RCOR1: variants seen among roughly 807,000 people sequenced by gnomAD.
RCOR1 encodes the protein REST corepressor 1.
Under a neutral mutation model 64.0 loss-of-function variants are expected in RCOR1, and 12 were observed. The observed-to-expected ratio is 0.19, with a 90% CI of 0.12 to 0.30. The LOEUF (loss-of-function observed/expected upper bound fraction) is 0.30, where lower values mean the gene tolerates loss of function less well. Among genes scored for constraint, RCOR1 ranks in the 10% least tolerant of loss-of-function variants. The pLI is 1.00. For missense variants in RCOR1, 502 were observed against 621.2 expected (o/e 0.81, Z 2.04); for synonymous variants, 279 against 227.2 (o/e 1.23, Z -2.05).
chr14:102,729,534 C>T lies in RCOR1; in HGVS notation c.*3028C>T, dbSNP rs777209963. The stretch of plus-strand genomic sequence containing the variant: ...TTTTGATTGTTTTTAACCTATAAGA[C>T]GTTCTGATGCTCACAAACCTCTATT... On this transcript the variant is annotated 3_prime_UTR_variant, in exon 12 of 12. Transcript: ENST00000262241. The T allele has an allele frequency of 1.3e-5, 3 of 229,978 alleles. No individual in the cohort carries two copies. In the Admixed American group the frequency reaches 1.7e-4, roughly 13 times the overall value. 14.2% of individuals were successfully genotyped at this position (229,978 alleles called of 1,614,324 possible). A position where few individuals can be genotyped will look rare whatever the true frequency, so the allele number is the denominator to read the frequency against.
intron 2 of RCOR1, among the ~76,000 whole-genome samples, chr14:102,617,326 C>G (rs1202863235): frequency 1.3e-5 from 2 of 152,174 alleles, no homozygotes; most frequent in East Asian, 3.8e-4. Context: ...TTTAGCGTTT[C>G]AAGAGCATAA....
chr14:102,612,575 A>C (rs144295429), intron 2 of RCOR1, among the ~76,000 whole-genome samples: 1 of 151,828 alleles, frequency 6.6e-6, no homozygotes, highest in Non-Finnish European at 1.5e-5. Context: ...GCTTCAAGCA[A>C]TCCACCTGCT....
At chr14:102,673,356 A>T (rs1895068152) in intron 2 of RCOR1, among the ~76,000 whole-genome samples, 1 of 146,106 alleles carries the variant, frequency 6.8e-6, no homozygotes, top group Non-Finnish European at 1.5e-5. Context: ...TTTTTTTTTA[A>T]GACAGAGTCT....
At chr14:102,722,605 CAT>C (rs1421435236) in intron 11 of RCOR1, among the ~76,000 whole-genome samples, 189 bp downstream of exon 11, 3 of 152,342 alleles carry the variant, frequency 2.0e-5, no homozygotes, top group Admixed American at 6.5e-5. Context: ...ATATTATTCA[CAT>C]GTTAATTTCT....
intron 8 of RCOR1, 117 bp downstream of exon 8, chr14:102,714,734 G>C (rs964333380): frequency 3.9e-6 from 3 of 773,158 alleles, no homozygotes; most frequent in Non-Finnish European, 6.1e-6. Context: ...ATTTTGTTTC[G>C]AAGGAATTGG....
intron 2 of RCOR1, among the ~76,000 whole-genome samples, chr14:102,603,501 T>A (rs751897353): frequency 2.0e-5 from 3 of 152,138 alleles, no homozygotes; most frequent in Non-Finnish European, 2.9e-5. Context: ...ATATTTGTAT[T>A]TTTTGTAGAG....
At chr14:102,721,405 A>G (rs777192481) in intron 10 of RCOR1, 28 bp downstream of exon 10, 5 of 1,584,570 alleles carry the variant, frequency 3.2e-6, no homozygotes, top group Non-Finnish European at 3.5e-6. Flanking sequence ...TAAAGAGTTT[A>G]GGAGGCCGGC....
At chr14:102,649,781 C>T (rs1001135051) in intron 2 of RCOR1, 2 of 984,730 alleles carry the variant, frequency 2.0e-6, no homozygotes, top group Non-Finnish European at 2.4e-6. Flanking sequence ...CTAGAATGGG[C>T]TTTGTTTACT....
intron 2 of RCOR1, among the ~76,000 whole-genome samples, chr14:102,652,553 T>A (rs1043764447): frequency 6.6e-6 from 1 of 152,182 alleles, no homozygotes; most frequent in Middle Eastern, 3.2e-3. Flanking sequence ...TTCTGAACAG[T>A]TCCCTTCAAA....
At chr14:102,597,888 T>C (rs1308588166) in intron 2 of RCOR1, among the ~76,000 whole-genome samples, 1 of 150,994 alleles carries the variant, frequency 6.6e-6, no homozygotes, top group African/African-American at 2.4e-5. Flanking sequence ...ATGATCTCGA[T>C]CTCGGCTCAC....
At chr14:102,673,001 G>A (rs1268049500) in intron 2 of RCOR1, among the ~76,000 whole-genome samples, 3 of 152,148 alleles carry the variant, frequency 2.0e-5, no homozygotes, top group African/African-American at 7.2e-5. Context: ...ACAGTGAAGG[G>A]TTTCTCACAA....
intron 2 of RCOR1, chr14:102,662,129 A>G (rs966483785): frequency 1.4e-5 from 5 of 361,722 alleles, no homozygotes; most frequent in African/African-American, 8.5e-5. Flanking sequence ...GTTGTACTTC[A>G]TGTATGGTTT....
At chr14:102,655,769 A>G (rs1425112438) in intron 2 of RCOR1, among the ~76,000 whole-genome samples, 1 of 152,114 alleles carries the variant, frequency 6.6e-6, no homozygotes, top group East Asian at 1.9e-4. Flanking sequence ...CCTGGCCAAC[A>G]TGGTGAAACC....
chr14:102,597,706 C>T (rs1893290027), intron 2 of RCOR1, among the ~76,000 whole-genome samples: 1 of 143,026 alleles, frequency 7.0e-6, no homozygotes, highest in Non-Finnish European at 1.5e-5. Flanking sequence ...GCACAATCAG[C>T]TCACACAGCC....
intron 2 of RCOR1, among the ~76,000 whole-genome samples, chr14:102,611,732 G>A (rs1049603562): frequency 4.6e-5 from 7 of 152,186 alleles, no homozygotes; most frequent in African/African-American, 1.2e-4. Flanking sequence ...CTGTGTGATA[G>A]CCCATGGACT....
intron 4 of RCOR1, among the ~76,000 whole-genome samples, chr14:102,702,002 AT>A (rs1567440866): frequency 6.6e-6 from 1 of 152,218 alleles, no homozygotes; most frequent in Admixed American, 6.5e-5. Flanking sequence ...GAATGTACTA[AT>A]AAGAAATCCA....
At position 102,620,964 on chromosome 14, in the gene RCOR1, T is replaced by TA. The variant is rs920124331; in HGVS notation, c.361+27647dup. On this transcript the variant is annotated intron_variant, in intron 2 of 11. Transcript: ENST00000262241. Reference sequence around the variant, plus strand: ...ACAATCTAAACACAGATGTCACAACTAAAAAAAATTAATACTTAGTCCTTA... The same window carrying TA: ...ACAATCTAAACACAGATGTCACAACTAAAAAAAAATTAATACTTAGTCCTTA... 5.9e-5 allele frequency among the ~76,000 whole-genome samples: 9 copies of TA among 152,104 alleles called. No individual in the cohort carries two copies. The East Asian group carries it at 1.2e-3, about 20-fold the overall frequency.
chr14:102,594,568 C>T (rs1893205515), intron 2 of RCOR1, among the ~76,000 whole-genome samples: 1 of 151,976 alleles, frequency 6.6e-6, no homozygotes, highest in Non-Finnish European at 1.5e-5. Flanking sequence ...GATTTGTTGA[C>T]GTAAATCTGT....
At chr14:102,656,108 C>A (rs554760850) in intron 2 of RCOR1, 2 of 984,294 alleles carry the variant, frequency 2.0e-6, no homozygotes, top group African/African-American at 3.5e-5. Context: ...TCTTTTCATT[C>A]TTTGAAATCA....
Sources: allele counts gnomAD v4.1 joint callset (sites outside exome capture counted in the v4.1 genomes callset), GRCh38; gene constraint gnomAD v4.1.1; transcripts MANE v1.5; gene names NCBI Gene and HGNC (gene_info 2026-07-23, HGNC 2026-07-21).